Variants in RUNX2 observed in about 807,000 individuals in gnomAD.
The protein encoded by RUNX2 is RUNX family transcription factor 2.
In RUNX2, 10 loss-of-function variants were observed where a neutral mutation model predicts 51.7. The observed-to-expected ratio is 0.19, with a 90% CI of 0.12 to 0.33. The LOEUF (loss-of-function observed/expected upper bound fraction) is 0.33, where lower values mean the gene tolerates loss of function less well. RUNX2 is among the 10% of genes least tolerant of loss of function. The probability of loss-of-function intolerance (pLI) is 1.00; values close to 1 mark genes in which losing one functional copy is unlikely to be tolerated. For missense variants in RUNX2, 562 were observed against 691.3 expected (o/e 0.81, Z 2.10); for synonymous variants, 276 against 273.6 (o/e 1.01, Z -0.09).
At chr6:45,511,588 C>T (rs889826797) in intron 6 of RUNX2, among the ~76,000 whole-genome samples, 1 of 152,128 alleles carries the variant, frequency 6.6e-6, no homozygotes, top group South Asian at 2.1e-4. Flanking sequence ...ATGAGAGTAA[C>T]GTAACTGGCT....
chr6:45,548,984 C>G lies in RUNX2; in HGVS notation c.*1679C>G, dbSNP rs980574705. On this transcript the variant is annotated 3_prime_UTR_variant, in exon 9 of 9. Transcript: ENST00000647337. Reference sequence around the variant, plus strand: ...GAGAGGACATATGGCCCACGGGGACCTACAGACAGCCTTTGACATTTGTAT... The same window carrying G: ...GAGAGGACATATGGCCCACGGGGACGTACAGACAGCCTTTGACATTTGTAT... 2.5e-6 allele frequency: 1 copy of G among 397,350 alleles called. No individual in the cohort carries two copies. 24.6% of individuals were successfully genotyped at this position (397,350 alleles called of 1,614,324 possible).
chr6:45,328,630 A>C (rs1377444951), intron 1 of RUNX2, 31 bp from the exon 2 acceptor site: 2 of 1,609,962 alleles, frequency 1.2e-6, no homozygotes, highest in Admixed American at 1.7e-5. Flanking sequence ...GTAAAACTAA[A>C]ACAAGGTTTG....
At chr6:45,339,716 C>T (rs1789361102) in intron 2 of RUNX2, among the ~76,000 whole-genome samples, 1 of 151,962 alleles carries the variant, frequency 6.6e-6, no homozygotes. Flanking sequence ...CAATCTAATC[C>T]AAAACTTTAT....
intron 2 of RUNX2, among the ~76,000 whole-genome samples, chr6:45,400,081 G>GGGAA (rs1298665899): frequency 3.1e-5 from 4 of 128,768 alleles, no homozygotes; most frequent in Non-Finnish European, 5.1e-5. Flanking sequence ...GAAGGAGGGA[G>GGGAA]GGAAGGAAGG....
chr6:45,438,976 G>T (rs1798766444), intron 5 of RUNX2, among the ~76,000 whole-genome samples: 3 of 152,176 alleles, frequency 2.0e-5, no homozygotes, highest in Admixed American at 2.0e-4. Flanking sequence ...TGGAGGCATA[G>T]CTGGCAGAAG....
intron 6 of RUNX2, among the ~76,000 whole-genome samples, chr6:45,496,776 A>T (rs1800662072): frequency 6.6e-6 from 1 of 152,190 alleles, no homozygotes; most frequent in Non-Finnish European, 1.5e-5. Context: ...ATGCTGTTTG[A>T]GGGGACCATA....
At chr6:45,347,543 G>T (rs1791134728) in intron 2 of RUNX2, among the ~76,000 whole-genome samples, 1 of 151,864 alleles carries the variant, frequency 6.6e-6, no homozygotes, top group Admixed American at 6.6e-5. Context: ...TTTTAAACTG[G>T]TTAATAAACA....
intron 2 of RUNX2, among the ~76,000 whole-genome samples, chr6:45,413,329 A>T (rs1039503071): frequency 1.1e-4 from 17 of 151,600 alleles, no homozygotes; most frequent in Non-Finnish European, 4.4e-5. Context: ...AGGTAAGCAC[A>T]GGACACACAC....
rs552943875 is a variant in RUNX2, at chr6:45,365,992, T to C, written c.58+37208T>C. Among the ~76,000 whole-genome samples the C allele has an allele frequency of 9.2e-5, 14 of 152,284 alleles. 1 individual carries two copies. In the South Asian group the frequency reaches 2.9e-3, roughly 32 times the overall value. On this transcript the variant is annotated intron_variant, in intron 2 of 8. Coordinates refer to ENST00000647337, the MANE Select transcript of RUNX2 (RefSeq NM_001024630.4). ...GATAAAGTGGGTGCCAATCCTAATGTATGACATTTTATTTAATGCATTAAA... is the reference window on the plus strand; with the variant it reads ...GATAAAGTGGGTGCCAATCCTAATGCATGACATTTTATTTAATGCATTAAA...
At chr6:45,356,607 G>A (rs12211923) in intron 2 of RUNX2, among the ~76,000 whole-genome samples, 33,129 of 151,806 alleles carry the variant, frequency 0.22, 4,419 homozygotes, top group Non-Finnish European at 0.31. Flanking sequence ...CACCATGGTG[G>A]CCAGGCTGGT....
At chr6:45,390,559 A>G (rs1010084901) in intron 2 of RUNX2, among the ~76,000 whole-genome samples, 6 of 152,252 alleles carry the variant, frequency 3.9e-5, no homozygotes, top group African/African-American at 1.4e-4. Context: ...TAATGTTGAC[A>G]TAACTAGTCT....
At chr6:45,510,749 AT>A (rs1191382682) in intron 6 of RUNX2, among the ~76,000 whole-genome samples, 5 of 151,504 alleles carry the variant, frequency 3.3e-5, no homozygotes, top group Non-Finnish European at 4.4e-5. Context: ...TTTTTTTTTA[AT>A]ATATATATGT....
At chr6:45,374,575 TTAAG>T (rs1160560944) in intron 2 of RUNX2, among the ~76,000 whole-genome samples, 1 of 152,232 alleles carries the variant, frequency 6.6e-6, no homozygotes, top group Non-Finnish European at 1.5e-5. Flanking sequence ...TTATTTTTCA[TTAAG>T]TAAACTGTAA....
intron 5 of RUNX2, among the ~76,000 whole-genome samples, chr6:45,482,711 G>C (rs1411877100): frequency 6.6e-6 from 1 of 152,176 alleles, no homozygotes; most frequent in East Asian, 1.9e-4. Context: ...ATGAAATGGA[G>C]TCCCTAGAAT....
chr6:45,355,776 T>C (rs767870585), intron 2 of RUNX2, among the ~76,000 whole-genome samples: 5 of 152,304 alleles, frequency 3.3e-5, no homozygotes, highest in African/African-American at 1.2e-4. Context: ...AAAAATACTA[T>C]CAGTGCTTGA....
intron 2 of RUNX2, among the ~76,000 whole-genome samples, chr6:45,376,263 T>G (rs935664316): frequency 3.3e-5 from 5 of 152,218 alleles, no homozygotes; most frequent in African/African-American, 9.6e-5. Flanking sequence ...TATTTGAATA[T>G]AATTACAATT....
At chr6:45,506,649 C>A (rs1052191399) in intron 6 of RUNX2, among the ~76,000 whole-genome samples, 5 of 152,116 alleles carry the variant, frequency 3.3e-5, no homozygotes, top group East Asian at 1.9e-4. Flanking sequence ...TAAAGTTCAA[C>A]AACAGTTTTG....
At chr6:45,409,807 T>C (rs1332867365) in intron 2 of RUNX2, among the ~76,000 whole-genome samples, 4 of 152,248 alleles carry the variant, frequency 2.6e-5, no homozygotes, top group African/African-American at 9.6e-5. Flanking sequence ...TATTTCACTC[T>C]TGGCATTATG....
At chr6:45,403,915 G>T (rs921775475) in intron 2 of RUNX2, among the ~76,000 whole-genome samples, 1 of 152,198 alleles carries the variant, frequency 6.6e-6, no homozygotes, top group African/African-American at 2.4e-5. Flanking sequence ...AGAGAAAATC[G>T]CTATCTCCCA....
Sources: gnomAD v4.1 joint callset for allele counts (sites outside exome capture counted in the v4.1 genomes callset) on GRCh38, gnomAD v4.1.1 for gene constraint, MANE v1.5 for transcripts, NCBI Gene and HGNC (gene_info 2026-07-23, HGNC 2026-07-21) for gene names.